BCOR: variants seen among roughly 807,000 people sequenced by gnomAD.
BCOR encodes BCL6 corepressor.
BCOR carries 10 observed loss-of-function variants against 86.7 expected under a neutral mutation model. That is an observed-to-expected ratio of 0.12 (90% CI 0.07 to 0.20). BCOR has a LOEUF of 0.20. BCOR is among the 10% of genes least tolerant of loss of function. BCOR has a pLI of 1.00. For missense variants in BCOR, 1,259 were observed against 1,452.1 expected (o/e 0.87, Z 2.16); for synonymous variants, 611 against 609.0 (o/e 1.00, Z -0.05).
Position 40,073,664 on chromosome X carries a change from A to G in BCOR, c.1682T>C (p.Val561Ala). The stretch of plus-strand genomic sequence containing the variant: ...GGAGGCTGGGCGGCCTGCACTCGAC[A>G]CTGACCCTGAAACGTTAGTGATGAC... ...DAVITNVSGSVSSAGRPASAS... is the reference protein window; with the variant it reads ...DAVITNVSGSASSAGRPASAS... Residue 561 changes from valine to alanine, a missense_variant, in exon 4 of 15, where the codon GTG (valine) becomes GCG (alanine). Val to Ala is a moderately conservative substitution (Grantham distance 64, BLOSUM62 0). Around this residue, in one of 7 missense-constraint regions of BCOR, gnomAD observed 534 missense variants for 594.8 expected, o/e 0.90. Coordinates refer to ENST00000378444, the MANE Select transcript of BCOR (RefSeq NM_001123385.2). 8.2e-7 allele frequency: 1 copy of G among 1,212,544 alleles called. No homozygotes were observed. The highest frequency in any genetic ancestry group is 1.1e-6 in the Non-Finnish European group (1 of 895,671).
At chrX:40,087,296 G>A (rs1297028492) in intron 1 of BCOR, among the ~76,000 whole-genome samples, 1 of 112,840 alleles carries the variant, frequency 8.9e-6, no homozygotes, top group East Asian at 2.8e-4. Context: ...TATGATTTTT[G>A]GTTAAGTTGA....
chrX:40,094,991 C>G (rs1037126554), intron 1 of BCOR, among the ~76,000 whole-genome samples: 1 of 112,366 alleles, frequency 8.9e-6, no homozygotes, highest in Non-Finnish European at 1.9e-5. Flanking sequence ...TGGGGCCAGC[C>G]GAGCCCCAGC....
At chrX:40,139,486 TATA>T (rs1937854835) in intron 1 of BCOR, among the ~76,000 whole-genome samples, 1 of 15,997 alleles carries the variant, frequency 6.3e-5, no homozygotes, top group Non-Finnish European at 9.0e-5. Flanking sequence ...TATATATATA[TATA>T]TATATATATT....
chrX:40,053,974 C>T lies in BCOR; in HGVS notation c.4888G>A (p.Asp1630Asn), dbSNP rs1934457361. Reference protein sequence around the residue: ...PPGPEDQDDDDDAYSDVFEFE... With the variant: ...PPGPEDQDDDNDAYSDVFEFE... ...TCAAACACATCGCTATAGGCATCGT[C>T]ATCATCATCCTGGTCTTCTGGTCCT... Residue 1630 changes from aspartate (D) to asparagine (N), a missense_variant, in exon 14 of 15, where the codon GAC becomes AAC. This residue lies in a region of BCOR where 137 missense variants were observed against 149.8 expected (regional missense o/e 0.91). Coordinates refer to ENST00000378444, the MANE Select transcript of BCOR (RefSeq NM_001123385.2). 1 of 1,211,304 alleles carries T rather than the reference C, an allele frequency of 8.3e-7. No individual in the cohort carries two copies. The highest frequency in any genetic ancestry group is 1.7e-5 in the African/African-American group (1 of 57,813).
At chrX:40,077,281 T>G in intron 2 of BCOR, 1 of 144,567 alleles carries the variant, frequency 6.9e-6, no homozygotes, top group Non-Finnish European at 1.4e-5. Context: ...GAGGAAAAGT[T>G]TCCTCATTAC....
At chrX:40,150,286 G>A (rs895707001) in intron 1 of BCOR, among the ~76,000 whole-genome samples, 5 of 112,218 alleles carry the variant, frequency 4.5e-5, no homozygotes, top group Non-Finnish European at 9.4e-5. Context: ...ACACACTTAG[G>A]TTATCTGATT....
chrX:40,171,906 C>T (rs1938630547), intron 1 of BCOR, among the ~76,000 whole-genome samples: 1 of 112,842 alleles, frequency 8.9e-6, no homozygotes, highest in African/African-American at 3.2e-5. Context: ...CGGGCTGATG[C>T]GCTCTCTCCC....
chrX:40,081,296 G>C (rs1936096953), intron 1 of BCOR, among the ~76,000 whole-genome samples: 1 of 111,608 alleles, frequency 9.0e-6, no homozygotes, highest in Non-Finnish European at 1.9e-5. Flanking sequence ...TGAAGAACAG[G>C]GGTCACCATT....
intron 1 of BCOR, among the ~76,000 whole-genome samples, chrX:40,091,647 C>T (rs1005230515): frequency 8.8e-6 from 1 of 113,390 alleles, no homozygotes; most frequent in African/African-American, 3.2e-5. Context: ...CAGAGAAAGC[C>T]GTCGGGCAGG....
Position 40,168,642 on chromosome X carries a change from G to C in BCOR, c.-41+8365C>G, listed in dbSNP as rs763312239. Among the ~76,000 whole-genome samples the C allele has an allele frequency of 4.8e-4, 54 of 112,648 alleles. 2 individuals carry two copies. The East Asian group carries it at 5.4e-3, about 11-fold the overall frequency. ...ACAAGGCACGGAGGGCGAGAGGGGG[G>C]CCAAGGGGCTGGGGCTCCCCGGGGG... On this transcript the variant is annotated intron_variant, in intron 1 of 14. Coordinates refer to the BCOR transcript ENST00000342274.
At chrX:40,133,730 G>A (rs1937630213) in intron 1 of BCOR, among the ~76,000 whole-genome samples, 1 of 111,531 alleles carries the variant, frequency 9.0e-6, no homozygotes, top group South Asian at 3.7e-4. Context: ...AAAGTGCTGG[G>A]ATTACAGGCG....
intron 1 of BCOR, among the ~76,000 whole-genome samples, chrX:40,169,842 G>C (rs1437950383): frequency 9.0e-6 from 1 of 111,391 alleles, no homozygotes; most frequent in African/African-American, 3.3e-5. Flanking sequence ...GGCGCTGCAC[G>C]GGGGGCAATG....
intron 1 of BCOR, among the ~76,000 whole-genome samples, chrX:40,175,837 C>G (rs755212815): frequency 8.8e-6 from 1 of 113,020 alleles, no homozygotes; most frequent in East Asian, 2.8e-4. Flanking sequence ...GGGTGAGGGG[C>G]GGGAAACTTT....
intron 1 of BCOR, among the ~76,000 whole-genome samples, chrX:40,129,975 G>T (rs976968184): frequency 1.8e-5 from 2 of 111,239 alleles, no homozygotes; most frequent in African/African-American, 6.5e-5. Flanking sequence ...AGTGAGCCAA[G>T]ATCATGCCAC....
At chrX:40,086,271 T>G (rs1336511705) in intron 1 of BCOR, among the ~76,000 whole-genome samples, 1 of 112,498 alleles carries the variant, frequency 8.9e-6, no homozygotes, top group Non-Finnish European at 1.9e-5. Flanking sequence ...ACAACGGCCT[T>G]CAGAGCCTCT....
In BCOR at chrX:40,103,176, T is replaced by C. The variant is rs761563777; in HGVS notation, c.-40-25207A>G. On this transcript the variant is annotated intron_variant, in intron 1 of 14. Transcript: ENST00000342274. ...GTGTGCGGCGGAGGGAGGAGGCTAA[T>C]GCATAATGCACAGCGCCTGGAAGCC... 1.9e-4 allele frequency among the ~76,000 whole-genome samples: 21 copies of C among 110,622 alleles called. No homozygotes were observed. In the East Asian group the frequency reaches 5.1e-3, roughly 27 times the overall value.
At position 40,062,683 on chromosome X, in the gene BCOR, G is replaced by A. The variant is rs1602123325; in HGVS notation, c.4173+63C>T. 5.7e-6 allele frequency: 6 copies of A among 1,061,049 alleles called. No individual in the cohort carries two copies. The East Asian group carries it at 9.6e-5, about 17-fold the overall frequency. The allele number at this position is 1,061,049 out of a possible 1,213,427, so 87.4% of individuals were successfully genotyped here. A position where few individuals can be genotyped will look rare whatever the true frequency, so the allele number is the denominator to read the frequency against. On this transcript the variant is annotated intron_variant, in intron 9 of 14. Transcript: ENST00000378444. ...AGGAAAGCTTTGTCCCCTCAAGCTGGGAAGCAGGCAGGCGGGGATGTGTTC... is the reference window on the plus strand; with the variant it reads ...AGGAAAGCTTTGTCCCCTCAAGCTGAGAAGCAGGCAGGCGGGGATGTGTTC...
At position 40,116,657 on chromosome X, in the gene BCOR, C is replaced by T. The variant is rs138248417; in HGVS notation, c.-40-38688G>A. ...CATGCCGTCACAGCCCCTGCCATCA[C>T]GGTGCAACACTAGCAACTAAATTTC... is the stretch of plus-strand genomic sequence containing the variant. On this transcript the variant is annotated intron_variant, in intron 1 of 14. Coordinates refer to the BCOR transcript ENST00000342274. 7.7e-3 allele frequency among the ~76,000 whole-genome samples: 857 copies of T among 111,884 alleles called. 4 individuals carry two copies. Among genetic ancestry groups the T allele is most frequent in the Non-Finnish European group, 0.011 (581 of 53,185 alleles).
In BCOR at chrX:40,166,261, G is replaced by A. The variant is rs768885681; in HGVS notation, c.-41+10746C>T. On this transcript the variant is annotated intron_variant, in intron 1 of 14. Transcript: ENST00000342274. ...CCTTAGGGAGTTCACAGTTTAGTAA[G>A]GGAGACAGACTGCAACACAGTGGGA... Among the ~76,000 whole-genome samples, 3 of 112,285 alleles carry A rather than the reference G, an allele frequency of 2.7e-5. No homozygotes were observed. The East Asian group carries it at 8.4e-4, about 32-fold the overall frequency.
Sources: gnomAD v4.1 joint callset for allele counts (sites outside exome capture counted in the v4.1 genomes callset) on GRCh38, gnomAD v4.1.1 for gene constraint, gnomAD v4.1.1 regional missense constraint, MANE v1.5 for transcripts, NCBI Gene and HGNC (gene_info 2026-07-23, HGNC 2026-07-21) for gene names.